The following STAC variants were observed in gnomAD, a reference collection of about 807,000 sequenced individuals.
STAC encodes SH3 and cysteine rich domain.
Under a neutral mutation model 48.8 loss-of-function variants are expected in STAC, and 43 were observed. The ratio of observed to expected loss-of-function variants is 0.88; its 90% CI spans 0.69 to 1.14. The LOEUF is 1.14. Ranked by LOEUF, STAC falls within the 50% of genes most tolerant of loss-of-function variation. The probability of loss-of-function intolerance (pLI) is 0.00; values close to 1 mark genes in which losing one functional copy is unlikely to be tolerated. For missense variants in STAC, 497 were observed against 504.0 expected, an observed-to-expected ratio of 0.99 and a Z score of 0.13; for synonymous variants, 193 against 179.5, an observed-to-expected ratio of 1.07 and a Z score of -0.60.
intron 10 of STAC, among the ~76,000 whole-genome samples, chr3:36,533,019 T>G (rs1699107976): frequency 6.6e-6 from 1 of 152,158 alleles, no homozygotes; most frequent in South Asian, 2.1e-4. Context: ...GGCAAAAGCC[T>G]AGTAAGTGTC....
At chr3:36,519,405 T>C (rs919510453) in intron 8 of STAC, among the ~76,000 whole-genome samples, 7 of 152,170 alleles carry the variant, frequency 4.6e-5, no homozygotes, top group African/African-American at 1.7e-4. Flanking sequence ...AATTTACAGG[T>C]AGAAAATGGA....
At chr3:36,387,214 C>A (rs1043436862) in intron 1 of STAC, among the ~76,000 whole-genome samples, 24 of 152,038 alleles carry the variant, frequency 1.6e-4, no homozygotes, top group African/African-American at 5.6e-4. Flanking sequence ...TTATCATCAA[C>A]CTGAGTTGGT....
intron 2 of STAC, among the ~76,000 whole-genome samples, chr3:36,475,132 A>G (rs1008583496): frequency 3.3e-5 from 5 of 152,196 alleles, no homozygotes; most frequent in African/African-American, 9.7e-5. Context: ...AGAAGGGGAA[A>G]AATCATGCTC....
At chr3:36,497,464 C>T (rs1200450888) in intron 6 of STAC, among the ~76,000 whole-genome samples, 1 of 152,096 alleles carries the variant, frequency 6.6e-6, no homozygotes, top group African/African-American at 2.4e-5. Flanking sequence ...GAGATACAAG[C>T]AGGTAAAGGA....
intron 3 of STAC, among the ~76,000 whole-genome samples, chr3:36,483,557 T>G (rs767780115): frequency 2.0e-5 from 3 of 152,092 alleles, no homozygotes; most frequent in Non-Finnish European, 4.4e-5. Context: ...TGCACCACTT[T>G]AACAGAATCT....
chr3:36,397,109 GT>G (rs1277522901), intron 1 of STAC, among the ~76,000 whole-genome samples: 3 of 152,032 alleles, frequency 2.0e-5, no homozygotes, highest in Non-Finnish European at 4.4e-5. Flanking sequence ...TTTGTGTTTT[GT>G]TTTTGTTTTT....
Position 36,482,971 on chromosome 3 carries a change from A to C in STAC, c.389-21A>C, listed in dbSNP as rs1306331775. 13 of 1,594,904 alleles carry C rather than the reference A, an allele frequency of 8.2e-6. No homozygotes were observed. The Admixed American group carries it at 1.0e-4, about 12-fold the overall frequency. On this transcript the variant is annotated intron_variant, in intron 2 of 10. Coordinates refer to ENST00000273183, the MANE Select transcript of STAC (RefSeq NM_003149.3). ...AAATGGCAGGTTGTATCCTAACCAA[A>C]GTTTGCCATGTACCTGACAGGAACA...
rs75992049 is a variant in STAC, at chr3:36,434,228, C to T, written c.112-9136C>T. ...GGAGCTGGCTTCGAGAGTCAATGCA[C>T]GAGGGCTATTAGGCCACAATATGAC... On this transcript the variant is annotated intron_variant, in intron 1 of 10. Transcript: ENST00000273183. Among the ~76,000 whole-genome samples the T allele has an allele frequency of 6.5e-3, 989 of 152,268 alleles. 10 individuals carry two copies. The highest frequency in any genetic ancestry group is 0.022 in the African/African-American group (931 of 41,554).
chr3:36,385,589 A>G (rs1699599074), intron 1 of STAC, among the ~76,000 whole-genome samples: 1 of 152,060 alleles, frequency 6.6e-6, no homozygotes, highest in Admixed American at 6.6e-5. Context: ...TAAACTCTTG[A>G]CCTTTGTGTG....
intron 10 of STAC, 26 bp from the exon 11 acceptor site, chr3:36,546,165 T>C (rs762912533): frequency 3.1e-6 from 5 of 1,597,322 alleles, no homozygotes; most frequent in African/African-American, 2.7e-5. Flanking sequence ...TAAAGTATTT[T>C]GTTTTTTTTC....
At chr3:36,484,853 G>A (rs1265917679) in intron 3 of STAC, 124 bp from the exon 4 acceptor site, 4 of 603,724 alleles carry the variant, frequency 6.6e-6, no homozygotes, top group East Asian at 3.3e-5. Context: ...GGATAAGTCG[G>A]CATGTTAATG....
chr3:36,465,859 T>C (rs1018072971), intron 2 of STAC, among the ~76,000 whole-genome samples: 6 of 152,156 alleles, frequency 3.9e-5, no homozygotes, highest in African/African-American at 1.4e-4. Flanking sequence ...CTGATTAGAT[T>C]GTGCCCACCA....
intron 10 of STAC, among the ~76,000 whole-genome samples, chr3:36,541,260 C>A (rs1169820907): frequency 6.6e-6 from 1 of 152,084 alleles, no homozygotes; most frequent in East Asian, 1.9e-4. Context: ...CTATGTAAAC[C>A]ACTAAGAATC....
intron 8 of STAC, among the ~76,000 whole-genome samples, chr3:36,517,826 T>C (rs754253223): frequency 4.6e-5 from 7 of 152,062 alleles, no homozygotes; most frequent in Non-Finnish European, 1.0e-4. Flanking sequence ...GTGATACACT[T>C]ATACATGTAA....
At chr3:36,467,863 T>C (rs529281177) in intron 2 of STAC, among the ~76,000 whole-genome samples, 28 of 152,172 alleles carry the variant, frequency 1.8e-4, no homozygotes, top group African/African-American at 6.3e-4. Flanking sequence ...CTCTGATCTT[T>C]GTTATTTCTT....
chr3:36,505,655 G>A (rs1338591544), intron 7 of STAC, 91 bp from the exon 8 acceptor site: 1 of 814,506 alleles, frequency 1.2e-6, no homozygotes, highest in Non-Finnish European at 2.0e-6. Flanking sequence ...AAATTACATT[G>A]CAATGACTTC....
chr3:36,521,503 T>C (rs902835161), intron 8 of STAC, among the ~76,000 whole-genome samples: 3 of 152,130 alleles, frequency 2.0e-5, no homozygotes, highest in African/African-American at 4.8e-5. Context: ...GTCCAGCTCC[T>C]GGGCCCTGAT....
At chr3:36,519,610 G>A (rs901874166) in intron 8 of STAC, among the ~76,000 whole-genome samples, 10 of 152,202 alleles carry the variant, frequency 6.6e-5, no homozygotes, top group African/African-American at 2.4e-4. Context: ...CATTAGGTTT[G>A]TTAAGTATGG....
At chr3:36,527,900 G>A (rs746856556) in intron 8 of STAC, among the ~76,000 whole-genome samples, 4 of 152,136 alleles carry the variant, frequency 2.6e-5, no homozygotes, top group African/African-American at 4.8e-5. Flanking sequence ...CAGCATAAAA[G>A]ATGGCAGACA....
Sources: allele counts gnomAD v4.1 joint callset (sites outside exome capture counted in the v4.1 genomes callset), GRCh38; gene constraint gnomAD v4.1.1; transcripts MANE v1.5; gene names NCBI Gene and HGNC (gene_info 2026-07-23, HGNC 2026-07-21).